Variants in THEMIS observed in about 807,000 individuals in gnomAD.
THEMIS encodes the protein thymocyte selection associated.
A neutral mutation model predicts 52.6 loss-of-function variants in THEMIS; 37 were observed. The observed-to-expected ratio is 0.70, with a 90% confidence interval of 0.54 to 0.93. The LOEUF (loss-of-function observed/expected upper bound fraction) is 0.93, where lower values mean the gene tolerates loss of function less well. Ranked by LOEUF, THEMIS falls within the 40% of genes least tolerant of loss-of-function variation. The pLI is 0.00. For missense variants in THEMIS, 808 were observed against 763.1 expected, an observed-to-expected ratio of 1.06 and a Z score of -0.69; for synonymous variants, 292 against 272.7, an observed-to-expected ratio of 1.07 and a Z score of -0.70.
intron 1 of THEMIS, among the ~76,000 whole-genome samples, chr6:127,857,303 G>A (rs780787032): frequency 1.3e-5 from 2 of 151,970 alleles, no homozygotes; most frequent in African/African-American, 2.4e-5. Context: ...ATTCCTGGAG[G>A]AGATGACTGC....
intron 4 of THEMIS, among the ~76,000 whole-genome samples, chr6:127,721,413 T>C (rs370310717): frequency 1.3e-5 from 2 of 152,100 alleles, no homozygotes; most frequent in East Asian, 1.9e-4. Flanking sequence ...AATACAAATA[T>C]AACATGACAT....
At chr6:127,847,916 T>TATTATC (rs1056469758) in intron 2 of THEMIS, among the ~76,000 whole-genome samples, 3 of 144,690 alleles carry the variant, frequency 2.1e-5, no homozygotes, top group African/African-American at 7.4e-5. Context: ...TTATTATTAT[T>TATTATC]ATCATTATTA....
chr6:127,808,422 C>T (rs927048390), intron 4 of THEMIS, among the ~76,000 whole-genome samples: 2 of 152,162 alleles, frequency 1.3e-5, no homozygotes, highest in African/African-American at 4.8e-5. Flanking sequence ...CTATTTAGAA[C>T]ACAATTTCAG....
chr6:127,832,664 G>C (rs903650287), intron 2 of THEMIS, among the ~76,000 whole-genome samples: 1 of 150,174 alleles, frequency 6.7e-6, no homozygotes, highest in African/African-American at 2.5e-5. Flanking sequence ...AGAAAGACAA[G>C]ACACATTCCA....
chr6:127,716,234 G>A (rs546751571), intron 5 of THEMIS, among the ~76,000 whole-genome samples: 2 of 151,886 alleles, frequency 1.3e-5, no homozygotes, highest in African/African-American at 4.8e-5. Flanking sequence ...CTTCCTGGCA[G>A]TGATTTGAGT....
chr6:127,798,622 G>T (rs180854310), intron 4 of THEMIS, among the ~76,000 whole-genome samples: 2 of 151,998 alleles, frequency 1.3e-5, no homozygotes, highest in Non-Finnish European at 2.9e-5. Flanking sequence ...AATTGAATGA[G>T]AACTATTTAG....
chr6:127,837,328 CAG>C (rs1258488799), intron 2 of THEMIS, among the ~76,000 whole-genome samples: 3 of 151,966 alleles, frequency 2.0e-5, no homozygotes, highest in Admixed American at 6.6e-5. Context: ...GCTCATGAAA[CAG>C]AGGAGCCCCC....
intron 2 of THEMIS, among the ~76,000 whole-genome samples, chr6:127,840,095 A>C (rs537081994): frequency 3.7e-4 from 57 of 152,210 alleles, no homozygotes; most frequent in African/African-American, 1.3e-3. Context: ...GCCCCCTCAA[A>C]AGTTCCTAGT....
At chr6:127,782,564 C>T (rs1047214700) in intron 4 of THEMIS, among the ~76,000 whole-genome samples, 2 of 152,188 alleles carry the variant, frequency 1.3e-5, no homozygotes, top group African/African-American at 4.8e-5. Flanking sequence ...GTTCCCTGAC[C>T]CCTTGCACTT....
At chr6:127,879,331 T>C (rs117059757) in intron 1 of THEMIS, among the ~76,000 whole-genome samples, 2,497 of 152,284 alleles carry the variant, frequency 0.016, 35 homozygotes, top group Admixed American at 0.029. Flanking sequence ...AGGGCCATGA[T>C]GATTGTGTGA....
chr6:127,727,395 T>C (rs931620660), intron 4 of THEMIS, among the ~76,000 whole-genome samples: 7 of 152,174 alleles, frequency 4.6e-5, no homozygotes, highest in African/African-American at 1.4e-4. Context: ...TTGGTGAAAT[T>C]AGTTTTGAAT....
chr6:127,867,917 C>A (rs1384335576), intron 1 of THEMIS, among the ~76,000 whole-genome samples: 5 of 144,522 alleles, frequency 3.5e-5, no homozygotes, highest in African/African-American at 1.3e-4. Context: ...GAAGGAATTA[C>A]TATTAAACAC....
intron 4 of THEMIS, among the ~76,000 whole-genome samples, chr6:127,729,192 CTCTCTCTCTCTT>C (rs1774664481): frequency 8.0e-6 from 1 of 124,474 alleles, no homozygotes; most frequent in Non-Finnish European, 1.7e-5. Flanking sequence ...CTCTCTCTCT[CTCTCTCTCTCTT>C]CACTCATCCC....
chr6:127,818,433 A>T (rs760762332), intron 3 of THEMIS, among the ~76,000 whole-genome samples: 7 of 152,282 alleles, frequency 4.6e-5, no homozygotes, highest in Admixed American at 3.9e-4. Context: ...GGGCAGACAA[A>T]AGAAAGCACT....
chr6:127,846,850 C>T (rs868090524), intron 2 of THEMIS, among the ~76,000 whole-genome samples: 1 of 151,774 alleles, frequency 6.6e-6, no homozygotes, highest in African/African-American at 2.4e-5. Flanking sequence ...AAGAAAGCTA[C>T]AGACAAAAAT....
At chr6:127,884,756 T>G (rs191006564) in intron 1 of THEMIS, among the ~76,000 whole-genome samples, 298 of 152,278 alleles carry the variant, frequency 2.0e-3, no homozygotes, top group Non-Finnish European at 3.5e-3. Context: ...GGAATTTATT[T>G]TCTCATAATT....
intron 4 of THEMIS, among the ~76,000 whole-genome samples, chr6:127,787,842 TAGAC>T (rs1562257830): frequency 0.012 from 1,220 of 98,164 alleles, 5 homozygotes; most frequent in Non-Finnish European, 0.017. Flanking sequence ...TAGATAGAGA[TAGAC>T]AGATATAGAT....
intron 1 of THEMIS, among the ~76,000 whole-genome samples, chr6:127,917,072 G>A (rs1781542164): frequency 6.6e-6 from 1 of 152,158 alleles, no homozygotes; most frequent in Non-Finnish European, 1.5e-5. Flanking sequence ...AAAGGGAATG[G>A]AGAAAAACAA....
At chr6:127,862,885 C>T (rs1040621170) in intron 1 of THEMIS, among the ~76,000 whole-genome samples, 6 of 152,104 alleles carry the variant, frequency 3.9e-5, no homozygotes, top group Non-Finnish European at 5.9e-5. Context: ...TCCTCAACAT[C>T]GAGTTCTAGG....
Sources: gnomAD v4.1 joint callset for allele counts (sites outside exome capture counted in the v4.1 genomes callset) on GRCh38, gnomAD v4.1.1 for gene constraint, MANE v1.5 for transcripts, NCBI Gene and HGNC (gene_info 2026-07-23, HGNC 2026-07-21) for gene names.